PDGFC: variants seen among roughly 807,000 people sequenced by gnomAD.
The protein encoded by PDGFC is platelet derived growth factor C, also known as platelet-derived growth factor C.
In PDGFC, 12 loss-of-function variants were observed where a neutral mutation model predicts 35.5. The ratio of observed to expected loss-of-function variants is 0.34; its 90% CI spans 0.22 to 0.55. The LOEUF (loss-of-function observed/expected upper bound fraction) is 0.55. PDGFC is among the 20% of genes least tolerant of loss of function. The pLI, the probability that PDGFC is intolerant of heterozygous loss-of-function variation, is 0.91. For synonymous variants in PDGFC, 159 were observed against 148.8 expected (o/e 1.07, Z -0.50); for missense variants, 322 against 412.4 (o/e 0.78, Z 1.90).
chr4:156,796,383 T>C (rs28705225), intron 3 of PDGFC, among the ~76,000 whole-genome samples: 10,836 of 152,052 alleles, frequency 0.071, 1,289 homozygotes, highest in African/African-American at 0.25. Context: ...TTTGGTGAAT[T>C]GTACCAAGTA....
chr4:156,771,142 T>C (rs913925182), intron 4 of PDGFC, among the ~76,000 whole-genome samples: 2 of 152,216 alleles, frequency 1.3e-5, no homozygotes, highest in Non-Finnish European at 2.9e-5. Context: ...AATGAATATC[T>C]GAAAGATCTG....
chr4:156,791,809 T>C (rs1041328470), intron 3 of PDGFC, among the ~76,000 whole-genome samples: 1 of 152,174 alleles, frequency 6.6e-6, no homozygotes, highest in East Asian at 1.9e-4. Flanking sequence ...CAAAGATGCA[T>C]TACAAAGACA....
chr4:156,886,239 T>C (rs1191331655), intron 1 of PDGFC, among the ~76,000 whole-genome samples: 1 of 152,114 alleles, frequency 6.6e-6, no homozygotes, highest in Non-Finnish European at 1.5e-5. Flanking sequence ...TGTAATAACA[T>C]TGTGGGAAGG....
chr4:156,940,872 C>T (rs1731789072), intron 1 of PDGFC, among the ~76,000 whole-genome samples: 1 of 152,014 alleles, frequency 6.6e-6, no homozygotes, highest in African/African-American at 2.4e-5. Context: ...TAAAATAATA[C>T]CACACTCCTC....
intron 1 of PDGFC, among the ~76,000 whole-genome samples, chr4:156,880,139 T>C (rs1730207309): frequency 6.6e-6 from 1 of 152,174 alleles, no homozygotes; most frequent in South Asian, 2.1e-4. Context: ...GGATCGTCGA[T>C]GTAGGTGAAA....
At chr4:156,895,133 G>A (rs184553910) in intron 1 of PDGFC, among the ~76,000 whole-genome samples, 1 of 152,278 alleles carries the variant, frequency 6.6e-6, no homozygotes, top group East Asian at 1.9e-4. Context: ...GACTATGTAA[G>A]TTACTGTTCA....
chr4:156,918,871 C>A (rs1731209065), intron 1 of PDGFC, among the ~76,000 whole-genome samples: 1 of 152,106 alleles, frequency 6.6e-6, no homozygotes, highest in Non-Finnish European at 1.5e-5. Context: ...TGGTATCACC[C>A]AATTTCCCAA....
intron 1 of PDGFC, among the ~76,000 whole-genome samples, chr4:156,868,027 A>C (rs961732750): frequency 5.3e-5 from 8 of 152,040 alleles, no homozygotes; most frequent in Non-Finnish European, 7.4e-5. Flanking sequence ...AAAGGTGTGC[A>C]CCACCACACC....
chr4:156,826,779 T>G (rs1157928452), intron 2 of PDGFC, among the ~76,000 whole-genome samples: 2 of 152,166 alleles, frequency 1.3e-5, no homozygotes, highest in Non-Finnish European at 2.9e-5. Context: ...CAACCCTGAT[T>G]TTAAAAGAAA....
chr4:156,811,466 C>G (rs1273238837), intron 2 of PDGFC, among the ~76,000 whole-genome samples: 1 of 151,998 alleles, frequency 6.6e-6, no homozygotes, highest in Non-Finnish European at 1.5e-5. Flanking sequence ...TGCAAGCTTT[C>G]CTAGAGTCAC....
At position 156,899,101 on chromosome 4, in the gene PDGFC, C is replaced by T. The variant is rs566165499; in HGVS notation, c.119-48685G>A. 1.6e-3 allele frequency among the ~76,000 whole-genome samples: 243 copies of T among 152,286 alleles called. 1 individual carries two copies. Among genetic ancestry groups the T allele is most frequent in the African/African-American group, 5.5e-3 (229 of 41,562 alleles). Reference sequence around the variant, plus strand: ...AACCAGTAAAATATAGTATAATTGGCCCTCCATATCCATGGGTTCCACATT... The same window carrying T: ...AACCAGTAAAATATAGTATAATTGGTCCTCCATATCCATGGGTTCCACATT... On this transcript the variant is annotated intron_variant, in intron 1 of 5. Transcript: ENST00000502773.
chr4:156,913,631 G>A (rs186458450), intron 1 of PDGFC, among the ~76,000 whole-genome samples: 19 of 152,166 alleles, frequency 1.2e-4, no homozygotes, highest in Admixed American at 1.2e-3. Context: ...GAATTCCTAA[G>A]ACCCCAATAA....
intron 1 of PDGFC, among the ~76,000 whole-genome samples, chr4:156,943,711 C>A (rs762278853): frequency 1.3e-5 from 2 of 152,056 alleles, no homozygotes; most frequent in African/African-American, 4.8e-5. Flanking sequence ...ATTAAGCAGA[C>A]CAAGCATGTT....
intron 1 of PDGFC, among the ~76,000 whole-genome samples, chr4:156,867,034 T>C (rs1379907354): frequency 2.0e-5 from 3 of 152,108 alleles, no homozygotes; most frequent in Non-Finnish European, 2.9e-5. Context: ...CTCCTTTCCA[T>C]AAAGAAGTGT....
chr4:156,870,330 A>T (rs1729949925), intron 1 of PDGFC, among the ~76,000 whole-genome samples: 1 of 152,108 alleles, frequency 6.6e-6, no homozygotes, highest in Admixed American at 6.5e-5. Context: ...CCTCCAAAGG[A>T]ATTTCATCAG....
intron 1 of PDGFC, among the ~76,000 whole-genome samples, chr4:156,881,596 C>T (rs1730243850): frequency 1.3e-5 from 2 of 152,072 alleles, no homozygotes; most frequent in Admixed American, 6.6e-5. Flanking sequence ...CTTTGGGAGG[C>T]TGAGGCAGTG....
At chr4:156,929,924 T>C (rs1304896754) in intron 1 of PDGFC, among the ~76,000 whole-genome samples, 1 of 151,944 alleles carries the variant, frequency 6.6e-6, no homozygotes, top group Non-Finnish European at 1.5e-5. Flanking sequence ...CCCACACAAG[T>C]AGAAATGTTA....
chr4:156,918,382 C>T (rs1327616556), intron 1 of PDGFC, among the ~76,000 whole-genome samples: 1 of 152,188 alleles, frequency 6.6e-6, no homozygotes, highest in African/African-American at 2.4e-5. Flanking sequence ...TACACAATCT[C>T]TTTAGAAGAA....
intron 2 of PDGFC, among the ~76,000 whole-genome samples, chr4:156,845,674 T>C (rs1300864159): frequency 6.6e-6 from 1 of 151,948 alleles, no homozygotes; most frequent in African/African-American, 2.4e-5. Context: ...TTTGCCTCCA[T>C]TTGCACATTT....
Sources: allele counts gnomAD v4.1 joint callset (sites outside exome capture counted in the v4.1 genomes callset), GRCh38; gene constraint gnomAD v4.1.1; transcripts MANE v1.5; gene names NCBI Gene and HGNC (gene_info 2026-07-23, HGNC 2026-07-21).